CTNNA3: variants seen among roughly 807,000 people sequenced by gnomAD.
The protein encoded by CTNNA3 is catenin alpha 3.
CTNNA3 carries 76 observed loss-of-function variants against 95.7 expected under a neutral mutation model. The ratio of observed to expected loss-of-function variants is 0.79; its 90% CI spans 0.66 to 0.96. CTNNA3 has a LOEUF of 0.96. Among genes scored for constraint, CTNNA3 ranks in the 40% least tolerant of loss-of-function variants. The pLI, the probability that CTNNA3 is intolerant of heterozygous loss-of-function variation, is 0.00. For missense variants in CTNNA3, 1,191 were observed against 1,089.8 expected (o/e 1.09, Z -1.31); for synonymous variants, 431 against 374.4 (o/e 1.15, Z -1.74).
intron 7 of CTNNA3, among the ~76,000 whole-genome samples, chr10:67,127,000 C>G (rs1296333837): frequency 2.0e-5 from 3 of 152,146 alleles, no homozygotes; most frequent in Non-Finnish European, 2.9e-5. Context: ...TCCATCAAAC[C>G]TTTTAATACA....
intron 10 of CTNNA3, among the ~76,000 whole-genome samples, chr10:66,592,942 C>G (rs960443131): frequency 3.9e-5 from 6 of 151,906 alleles, no homozygotes; most frequent in African/African-American, 1.5e-4. Flanking sequence ...GTAATGATAA[C>G]CGAGTAAAAG....
Position 66,153,774 on chromosome 10 carries a change from C to T in CTNNA3, c.1885-50525G>A, listed in dbSNP as rs530492453. 4.0e-5 allele frequency among the ~76,000 whole-genome samples: 6 copies of T among 151,516 alleles called. No individual in the cohort carries two copies. The South Asian group carries it at 6.3e-4, about 16-fold the overall frequency. ...TTACACTAAGACTAAAAAATGAAAA[C>T]GTATCCTATGCTGGTCCTGTCTTCC... On this transcript the variant is annotated intron_variant, in intron 13 of 17. Transcript: ENST00000433211.
intron 5 of CTNNA3, among the ~76,000 whole-genome samples, chr10:67,460,039 C>T (rs1018260757): frequency 2.0e-5 from 3 of 152,034 alleles, no homozygotes; most frequent in African/African-American, 7.3e-5. Context: ...TGATTTTACC[C>T]AATAATAAGA....
At chr10:66,845,452 C>T (rs1589323665) in intron 7 of CTNNA3, among the ~76,000 whole-genome samples, 1 of 151,846 alleles carries the variant, frequency 6.6e-6, no homozygotes, top group Admixed American at 6.6e-5. Flanking sequence ...GCCCGTAATC[C>T]CAGCACTTTG....
At chr10:66,525,979 A>C (rs2132035446) in intron 10 of CTNNA3, among the ~76,000 whole-genome samples, 1 of 152,242 alleles carries the variant, frequency 6.6e-6, no homozygotes, top group African/African-American at 2.4e-5. Context: ...TATGCATCAG[A>C]ATTTCATTAC....
chr10:67,048,015 C>A (rs1854857499), intron 7 of CTNNA3, among the ~76,000 whole-genome samples: 1 of 152,062 alleles, frequency 6.6e-6, no homozygotes, highest in Admixed American at 6.5e-5. Context: ...ACCATGTGTT[C>A]TTTCTAAGAA....
At chr10:67,036,894 A>G (rs1167988537) in intron 7 of CTNNA3, among the ~76,000 whole-genome samples, 1 of 147,974 alleles carries the variant, frequency 6.8e-6, no homozygotes, top group Non-Finnish European at 1.5e-5. Flanking sequence ...GAAAAAAAAT[A>G]ATAATGCATA....
intron 7 of CTNNA3, among the ~76,000 whole-genome samples, chr10:66,971,007 A>G (rs1849691497): frequency 6.6e-6 from 1 of 152,012 alleles, no homozygotes; most frequent in African/African-American, 2.4e-5. Context: ...ATGCAAGTTT[A>G]TTTGCCTTTC....
intron 7 of CTNNA3, among the ~76,000 whole-genome samples, chr10:67,017,758 C>T (rs927450491): frequency 2.4e-4 from 36 of 151,106 alleles, no homozygotes; most frequent in Non-Finnish European, 3.7e-4. Context: ...TGTGTGCGCG[C>T]GTACAATTTT....
At chr10:66,219,479 G>A (rs1353580618) in intron 13 of CTNNA3, among the ~76,000 whole-genome samples, 2 of 152,004 alleles carry the variant, frequency 1.3e-5, no homozygotes, top group Admixed American at 6.6e-5. Context: ...GAAAATTGTG[G>A]CTTCCGTTTT....
At chr10:66,008,615 T>C (rs1283255311) in intron 15 of CTNNA3, among the ~76,000 whole-genome samples, 2 of 152,234 alleles carry the variant, frequency 1.3e-5, no homozygotes, top group African/African-American at 2.4e-5. Flanking sequence ...TCTATGTTTC[T>C]TTATGTTATA....
chr10:66,908,829 T>C (rs1379775087), intron 7 of CTNNA3, among the ~76,000 whole-genome samples: 1 of 152,114 alleles, frequency 6.6e-6, no homozygotes, highest in East Asian at 1.9e-4. Context: ...CCTACACACA[T>C]TGTAACAAGT....
At chr10:66,649,490 G>T (rs1845821470) in intron 9 of CTNNA3, among the ~76,000 whole-genome samples, 1 of 152,148 alleles carries the variant, frequency 6.6e-6, no homozygotes, top group Non-Finnish European at 1.5e-5. Flanking sequence ...GACACAGACA[G>T]CAGCAATACC....
At chr10:67,542,830 T>C (rs1840723766) in intron 3 of CTNNA3, among the ~76,000 whole-genome samples, 2 of 152,160 alleles carry the variant, frequency 1.3e-5, no homozygotes, top group African/African-American at 4.8e-5. Flanking sequence ...CACTGTCATA[T>C]TGATTTCTGA....
intron 7 of CTNNA3, among the ~76,000 whole-genome samples, chr10:67,101,956 CG>C (rs1564891810): frequency 9.7e-6 from 1 of 102,976 alleles, no homozygotes; most frequent in Non-Finnish European, 1.9e-5. Flanking sequence ...TCAGAGCATG[CG>C]AAAGAAGAAG....
At chr10:66,926,443 C>G (rs180811693) in intron 7 of CTNNA3, 10 of 855,766 alleles carry the variant, frequency 1.2e-5, no homozygotes, top group Admixed American at 4.5e-5. Context: ...CAAAATCGGT[C>G]CATCTCCCAA....
intron 5 of CTNNA3, among the ~76,000 whole-genome samples, chr10:67,515,699 C>A (rs1176617778): frequency 6.6e-6 from 1 of 152,110 alleles, no homozygotes. Flanking sequence ...TTCACTTACC[C>A]TTAAAAGGAA....
At chr10:67,377,517 T>C (rs1258674788) in intron 5 of CTNNA3, among the ~76,000 whole-genome samples, 1 of 152,214 alleles carries the variant, frequency 6.6e-6, no homozygotes, top group Non-Finnish European at 1.5e-5. Context: ...CAACGACTGA[T>C]TTAAAGTACA....
At chr10:66,229,091 C>T (rs1051922410) in intron 13 of CTNNA3, among the ~76,000 whole-genome samples, 3 of 152,084 alleles carry the variant, frequency 2.0e-5, no homozygotes, top group East Asian at 3.9e-4. Flanking sequence ...CTATATAGCC[C>T]AGTCAGCAAA....
Sources: gnomAD v4.1 joint callset for allele counts (sites outside exome capture counted in the v4.1 genomes callset) on GRCh38, gnomAD v4.1.1 for gene constraint, MANE v1.5 for transcripts, NCBI Gene and HGNC (gene_info 2026-07-23, HGNC 2026-07-21) for gene names.